Variants in ACOT11 observed in about 807,000 individuals in gnomAD.
ACOT11 encodes the protein acyl-coenzyme A thioesterase 11.
A neutral mutation model predicts 77.5 loss-of-function variants in ACOT11; 69 were observed. The ratio of observed to expected loss-of-function variants is 0.89; its 90% CI spans 0.73 to 1.09. The LOEUF (loss-of-function observed/expected upper bound fraction) is 1.09. ACOT11 is among the 50% of genes least tolerant of loss of function. The pLI is 0.00. For missense variants in ACOT11, 766 were observed against 813.7 expected (o/e 0.94, Z 0.71); for synonymous variants, 279 against 313.0 (o/e 0.89, Z 1.15).
At position 54,609,574 on chromosome 1, in the gene ACOT11, C is replaced by T. The variant is rs770332119; in HGVS notation, c.*462C>T. 3 of 1,612,962 alleles carry T rather than the reference C, an allele frequency of 1.9e-6. No homozygotes were observed. The highest frequency in any genetic ancestry group is 2.5e-6 in the Non-Finnish European group (3 of 1,180,032). On this transcript the variant is annotated 3_prime_UTR_variant, in exon 16 of 16. Coordinates refer to ENST00000343744, the MANE Select transcript of ACOT11 (RefSeq NM_147161.4). The stretch of plus-strand genomic sequence containing the variant: ...GCTGTTCCCTGTAGCCACTGCCCAG[C>T]ACCTCCTCAGGCCAGCCTGGTGCCA...
At chr1:54,631,156 C>T (rs984679231) in intron 16 of ACOT11, among the ~76,000 whole-genome samples, 6 of 152,108 alleles carry the variant, frequency 3.9e-5, no homozygotes, top group Non-Finnish European at 5.9e-5. Context: ...GGACACTGGG[C>T]GAAAAGTAGT....
chr1:54,608,456 C>T (rs922958513), intron 15 of ACOT11, among the ~76,000 whole-genome samples: 13 of 151,990 alleles, frequency 8.6e-5, no homozygotes, highest in African/African-American at 2.9e-4. Flanking sequence ...TGAGGGAAAG[C>T]GAGGGTGGGG....
At chr1:54,594,534 C>A in intron 5 of ACOT11, 22 bp from the exon 6 acceptor site, 1 of 1,604,326 alleles carries the variant, frequency 6.2e-7, no homozygotes. Flanking sequence ...GAGTGTCCCC[C>A]ACCCTGTCCC....
At chr1:54,571,061 T>TTCTCTCTCTC (rs556109250) in intron 1 of ACOT11, among the ~76,000 whole-genome samples, 1,896 of 149,454 alleles carry the variant, frequency 0.013, 30 homozygotes, top group East Asian at 0.038. Flanking sequence ...AATTATGATA[T>TTCTCTCTCTC]TCTCTCTCTC....
At chr1:54,578,397 C>G (rs1404217299) in intron 1 of ACOT11, among the ~76,000 whole-genome samples, 1 of 152,166 alleles carries the variant, frequency 6.6e-6, no homozygotes, top group Non-Finnish European at 1.5e-5. Flanking sequence ...AGGCCCCACC[C>G]CCTGAAAAGC....
chr1:54,610,708 TAGA>T (rs958643172), downstream of ACOT11: 127 of 979,318 alleles, frequency 1.3e-4, no homozygotes, highest in Non-Finnish European at 1.5e-4. Flanking sequence ...CCTTGTAGAC[TAGA>T]AGAAGTGACT....
chr1:54,611,844 G>C, downstream of ACOT11: 2 of 1,453,998 alleles, frequency 1.4e-6, no homozygotes, highest in Non-Finnish European at 1.9e-6. Context: ...GCGCAGGGTA[G>C]AGCATCTGTC....
intron 3 of ACOT11, 106 bp from the exon 4 acceptor site, chr1:54,592,440 A>C: frequency 1.8e-6 from 2 of 1,096,958 alleles, no homozygotes; most frequent in Non-Finnish European, 2.7e-6. Context: ...CAAGCCATGA[A>C]GTTATCCTGC....
At chr1:54,632,493 A>G (rs1313105713) in intron 16 of ACOT11, among the ~76,000 whole-genome samples, 1 of 152,230 alleles carries the variant, frequency 6.6e-6, no homozygotes, top group African/African-American at 2.4e-5. Flanking sequence ...TTCAGATTAC[A>G]GTGGGGAAAT....
At position 54,548,306 on chromosome 1, in the gene ACOT11, C is replaced by A; in HGVS notation, c.-4C>A. 1.3e-5 allele frequency: 21 copies of A among 1,596,050 alleles called. No individual in the cohort carries two copies. The highest frequency in any genetic ancestry group is 1.7e-5 in the Non-Finnish European group (20 of 1,171,872). On this transcript the variant is annotated 5_prime_UTR_variant, in exon 1 of 16. Transcript: ENST00000343744. ...GGCGCTGCTTTCCCCGGCCACCCGG[C>A]GCGATGATCCAGAATGTCGGAAATC... is the stretch of plus-strand genomic sequence containing the variant.
intron 1 of ACOT11, among the ~76,000 whole-genome samples, chr1:54,552,479 G>GT (rs986466750): frequency 2.0e-5 from 3 of 151,860 alleles, no homozygotes; most frequent in Non-Finnish European, 2.9e-5. Flanking sequence ...CACTCTTAGT[G>GT]TTTTTTTTGT....
chr1:54,551,840 C>G (rs1429917212), intron 1 of ACOT11, among the ~76,000 whole-genome samples: 2 of 152,104 alleles, frequency 1.3e-5, no homozygotes, highest in African/African-American at 2.4e-5. Flanking sequence ...GCCTCTGCCT[C>G]CTGGATTCAA....
chr1:54,559,306 C>T (rs560016753), intron 1 of ACOT11, among the ~76,000 whole-genome samples: 1 of 152,184 alleles, frequency 6.6e-6, no homozygotes, highest in South Asian at 2.1e-4. Context: ...CTGACCCCAC[C>T]CCACACACCT....
At chr1:54,579,229 AC>A (rs1394848633) in intron 1 of ACOT11, among the ~76,000 whole-genome samples, 1 of 144,318 alleles carries the variant, frequency 6.9e-6, no homozygotes, top group Non-Finnish European at 1.5e-5. Flanking sequence ...CACCACTACT[AC>A]CCTTTTTTTT....
intron 1 of ACOT11, among the ~76,000 whole-genome samples, chr1:54,576,737 A>G (rs1654130324): frequency 6.6e-6 from 1 of 152,142 alleles, no homozygotes; most frequent in Non-Finnish European, 1.5e-5. Context: ...AGCTTGATTA[A>G]TTTTGTGAGG....
rs1052272210 is a variant in ACOT11 at position 54,610,003 on chromosome 1, C to A, written c.*891C>A. 15 of 1,531,730 alleles carry A rather than the reference C, an allele frequency of 9.8e-6. No individual in the cohort carries two copies. In the African/African-American group the frequency reaches 1.9e-4, roughly 19 times the overall value. The allele number at this position is 1,531,730 out of a possible 1,614,324, so 94.9% of individuals were successfully genotyped here. On this transcript the variant is annotated 3_prime_UTR_variant, in exon 16 of 16. Coordinates refer to ENST00000343744, the MANE Select transcript of ACOT11 (RefSeq NM_147161.4). ...TGGGTTATCATAAGGTGTTAAGAGT[C>A]CCTTGTTAAAGGGGCAGTGGGAGTT...
chr1:54,608,044 G>A lies in ACOT11; in HGVS notation c.1605G>A (p.Trp535Ter), dbSNP rs1047388636. ...GETLCSGFCL[W>*]REGDQLTKVS... Reference sequence around the variant, plus strand: ...CCCTCTGCTCAGGCTTCTGCCTCTGGCGCGAGGGGGACCAGCTGACCAAGG... The same window carrying A: ...CCCTCTGCTCAGGCTTCTGCCTCTGACGCGAGGGGGACCAGCTGACCAAGG... Residue 535 changes from tryptophan (W) to a stop codon, truncating the protein, a stop_gained, in exon 15 of 16, where the codon TGG (tryptophan) becomes TGA (stop). Coordinates refer to ENST00000343744, the MANE Select transcript of ACOT11 (RefSeq NM_147161.4). LOFTEE classifies it high-confidence loss of function. 1.2e-6 allele frequency: 2 copies of A among 1,612,478 alleles called. No individual in the cohort carries two copies.
downstream of ACOT11, chr1:54,610,386 C>A: frequency 1.2e-6 from 2 of 1,607,884 alleles, no homozygotes; most frequent in Non-Finnish European, 1.7e-6. Flanking sequence ...GAGCTGGGAG[C>A]ACCGGGGCTG....
At chr1:54,604,856 A>G (rs60613980) in intron 12 of ACOT11, among the ~76,000 whole-genome samples, 4,071 of 152,232 alleles carry the variant, frequency 0.027, 79 homozygotes, top group East Asian at 0.057. Flanking sequence ...AGGAACCACC[A>G]CATGTTGCCT....
Sources: gnomAD v4.1 joint callset for allele counts (sites outside exome capture counted in the v4.1 genomes callset) on GRCh38, gnomAD v4.1.1 for gene constraint, MANE v1.5 for transcripts, NCBI Gene and HGNC (gene_info 2026-07-23, HGNC 2026-07-21) for gene names.